Variants in TMEM30A observed in about 807,000 individuals in gnomAD.
The protein encoded by TMEM30A is cell cycle control protein 50A.
Under a neutral mutation model 38.2 loss-of-function variants are expected in TMEM30A, and 24 were observed. The observed-to-expected ratio is 0.63, with a 90% CI of 0.46 to 0.88. The LOEUF (loss-of-function observed/expected upper bound fraction) is 0.88, where lower values mean the gene tolerates loss of function less well. Ranked by LOEUF, TMEM30A falls within the 40% of genes least tolerant of loss-of-function variation. The probability of loss-of-function intolerance (pLI) is 0.00; values close to 1 mark genes in which losing one functional copy is unlikely to be tolerated. For synonymous variants in TMEM30A, 145 were observed against 161.6 expected, an observed-to-expected ratio of 0.90 and a Z score of 0.78; for missense variants, 370 against 458.6, an observed-to-expected ratio of 0.81 and a Z score of 1.77.
chr6:75,260,614 T>G (rs1771949215), intron 4 of TMEM30A, among the ~76,000 whole-genome samples: 1 of 152,168 alleles, frequency 6.6e-6, no homozygotes. Context: ...TGTTTCTGCT[T>G]CTTTCTTCTC....
At chr6:75,266,200 T>C (rs1772064568) in intron 2 of TMEM30A, among the ~76,000 whole-genome samples, 1 of 152,192 alleles carries the variant, frequency 6.6e-6, no homozygotes, top group African/African-American at 2.4e-5. Context: ...TTCTTATCCT[T>C]AATTAAAAGT....
intron 3 of TMEM30A, among the ~76,000 whole-genome samples, chr6:75,262,936 C>T (rs78868649): frequency 3.3e-3 from 509 of 152,344 alleles, no homozygotes; most frequent in Non-Finnish European, 5.1e-3. Context: ...TAAAGAAAGT[C>T]ATGCTCCCTG....
chr6:75,260,434 G>A (rs1035731125), intron 4 of TMEM30A, among the ~76,000 whole-genome samples: 2 of 151,682 alleles, frequency 1.3e-5, no homozygotes, highest in African/African-American at 4.9e-5. Context: ...AAAAAAAAAA[G>A]ACAGAAAATG....
rs117955362 is a variant in TMEM30A at position 75,253,062 on chromosome 6, C to T, written c.*3040G>A. 4 of 152,112 alleles carry T rather than the reference C, an allele frequency of 2.6e-5. No individual in the cohort carries two copies. The highest frequency in any genetic ancestry group is 3.9e-4 in the East Asian group (2 of 5,184). The allele number at this position is 152,112 out of a possible 1,614,324, so 9.4% of individuals were successfully genotyped here. A position where few individuals can be genotyped will look rare whatever the true frequency, so the allele number is the denominator to read the frequency against. The stretch of plus-strand genomic sequence containing the variant: ...TAGATCATCCAAACCCTACAATAGA[C>T]ACTTATGCATCAAAATTCTTGTAAA... On this transcript the variant is annotated 3_prime_UTR_variant, in exon 7 of 7. Transcript: ENST00000230461.
At chr6:75,263,383 T>C (rs1442378754) in intron 3 of TMEM30A, among the ~76,000 whole-genome samples, 1 of 152,352 alleles carries the variant, frequency 6.6e-6, no homozygotes, top group East Asian at 1.9e-4. Flanking sequence ...GTGATATTTA[T>C]ACTTTTTAAA....
At chr6:75,279,461 CAA>C (rs940534425) in intron 1 of TMEM30A, among the ~76,000 whole-genome samples, 1 of 151,766 alleles carries the variant, frequency 6.6e-6, no homozygotes, top group Non-Finnish European at 1.5e-5. Flanking sequence ...TCTTTAGAAA[CAA>C]AAGAGGCTAC....
At chr6:75,268,702 G>A (rs1772113502) in intron 1 of TMEM30A, among the ~76,000 whole-genome samples, 1 of 152,202 alleles carries the variant, frequency 6.6e-6, no homozygotes, top group South Asian at 2.1e-4. Context: ...CCCTGAACTT[G>A]CAAATGGCAT....
In TMEM30A at chr6:75,255,946, C is replaced by T. The variant is rs1771858830; in HGVS notation, c.*156G>A. 5.5e-6 allele frequency: 3 copies of T among 546,372 alleles called. No homozygotes were observed. Among genetic ancestry groups the T allele is most frequent in the East Asian group, 5.8e-5 (2 of 34,192 alleles). 33.8% of individuals were successfully genotyped at this position (546,372 alleles called of 1,614,324 possible). On this transcript the variant is annotated 3_prime_UTR_variant, in exon 7 of 7. Transcript: ENST00000230461. ...CCGTCATATATTTTTAGAAGTCATC[C>T]GTAGGGAAGAAGCAAACAACAAAGA...
At chr6:75,269,769 A>G (rs1449703147) in intron 1 of TMEM30A, among the ~76,000 whole-genome samples, 1 of 152,066 alleles carries the variant, frequency 6.6e-6, no homozygotes, top group African/African-American at 2.4e-5. Flanking sequence ...ATCTCGGCTC[A>G]CTGCAACCTC....
chr6:75,268,972 T>A (rs1772118768), intron 1 of TMEM30A, among the ~76,000 whole-genome samples: 2 of 152,146 alleles, frequency 1.3e-5, no homozygotes, highest in African/African-American at 4.8e-5. Flanking sequence ...TTGAAAGGCT[T>A]TTTTTTCCAC....
chr6:75,260,884 G>T lies in TMEM30A; in HGVS notation c.481C>A (p.Arg161=). The T allele has an allele frequency of 1.9e-6, 3 of 1,601,826 alleles. No homozygotes were observed. The highest frequency in any genetic ancestry group is 2.5e-6 in the Non-Finnish European group (3 of 1,177,192). ...LNPSKECEPY[R]RNEDKPIAPC... is the part of the protein sequence containing the mutation. ...GCAATTGGTTTGTCTTCATTTCTTCGATAAGGTTCACATTCCTTACTGGGA... is the reference window on the plus strand; with the variant it reads ...GCAATTGGTTTGTCTTCATTTCTTCTATAAGGTTCACATTCCTTACTGGGA... Residue 161 remains arginine, a synonymous_variant, in exon 4 of 7, where the codon CGA becomes AGA. Coordinates refer to ENST00000230461, the MANE Select transcript of TMEM30A (RefSeq NM_018247.4).
At chr6:75,283,012 G>A (rs1417292993) in intron 1 of TMEM30A, among the ~76,000 whole-genome samples, 1 of 152,018 alleles carries the variant, frequency 6.6e-6, no homozygotes, top group Non-Finnish European at 1.5e-5. Flanking sequence ...AGGACTATTA[G>A]GGAGATTAAG....
Position 75,259,400 on chromosome 6 carries a change from T to C in TMEM30A, c.632A>G (p.Asn211Ser), listed in dbSNP as rs762151762. The C allele has an allele frequency of 5.0e-6, 8 of 1,613,492 alleles. No homozygotes were observed. Among genetic ancestry groups the C allele is most frequent in the African/African-American group, 1.3e-5 (1 of 74,916 alleles). Reference sequence around the variant, plus strand: ...TCCAGGGGGATTTCTGAATTTCACATTTTTATCTGTCCACCAAGCAATACC... The same window carrying C: ...TCCAGGGGGATTTCTGAATTTCACACTTTTATCTGTCCACCAAGCAATACC... ...KKGIAWWTDKNVKFRNPPGGD... is the reference protein window; with the variant it reads ...KKGIAWWTDKSVKFRNPPGGD... The change falls in exon 5 of 7, where the codon AAT (asparagine) becomes AGT (serine). Residue 211 changes from asparagine (N) to serine (S), a missense_variant. Coordinates refer to ENST00000230461, the MANE Select transcript of TMEM30A (RefSeq NM_018247.4).
rs1772441144 is a variant in TMEM30A at position 75,284,792 on chromosome 6, G to A, written c.-154C>T. On this transcript the variant is annotated 5_prime_UTR_variant, in exon 1 of 7. Transcript: ENST00000230461. ...GCCACCTCCGCTGTAGAGCGGAAGA[G>A]GCGGGACACTCTTCCGCCAAAGGCT... 2 of 723,880 alleles carry A rather than the reference G, an allele frequency of 2.8e-6. No homozygotes were observed. The highest frequency in any genetic ancestry group is 4.7e-6 in the Non-Finnish European group (2 of 424,132). 44.8% of individuals were successfully genotyped at this position (723,880 alleles called of 1,614,324 possible). A position where few individuals can be genotyped will look rare whatever the true frequency, so the allele number is the denominator to read the frequency against.
At chr6:75,281,435 G>A (rs1394465110) in intron 1 of TMEM30A, among the ~76,000 whole-genome samples, 1 of 152,060 alleles carries the variant, frequency 6.6e-6, no homozygotes, top group East Asian at 1.9e-4. Context: ...AAGCAATTAT[G>A]ATTTTCTATT....
intron 1 of TMEM30A, among the ~76,000 whole-genome samples, chr6:75,278,070 A>G (rs1352802762): frequency 6.6e-6 from 1 of 152,182 alleles, no homozygotes; most frequent in Non-Finnish European, 1.5e-5. Flanking sequence ...AGTATCAGCA[A>G]AGCCACATAC....
intron 1 of TMEM30A, among the ~76,000 whole-genome samples, chr6:75,274,128 G>A (rs1442009914): frequency 6.6e-6 from 1 of 152,188 alleles, no homozygotes; most frequent in Non-Finnish European, 1.5e-5. Flanking sequence ...GGAAAAAGGA[G>A]AATCAAGGAA....
intron 1 of TMEM30A, among the ~76,000 whole-genome samples, chr6:75,283,913 C>T (rs936634247): frequency 6.6e-6 from 1 of 152,200 alleles, no homozygotes; most frequent in Non-Finnish European, 1.5e-5. Flanking sequence ...GACTCTGGTT[C>T]TTCTCCCAAC....
chr6:75,275,942 G>C lies in TMEM30A; in HGVS notation c.238-8194C>G, dbSNP rs1209619299. Among the ~76,000 whole-genome samples the C allele has an allele frequency of 2.0e-5, 3 of 152,242 alleles. No individual in the cohort carries two copies. In the East Asian group the frequency reaches 5.8e-4, roughly 29 times the overall value. ...GGAAGCTGGTCACTAGAAAGACCAA[G>C]GCATGAATAGACCTGTGGGAAGGGG... On this transcript the variant is annotated intron_variant, in intron 1 of 6. Transcript: ENST00000230461.
Sources: gnomAD v4.1 joint callset for allele counts (sites outside exome capture counted in the v4.1 genomes callset) on GRCh38, gnomAD v4.1.1 for gene constraint, MANE v1.5 for transcripts, NCBI Gene and HGNC (gene_info 2026-07-23, HGNC 2026-07-21) for gene names.